The following TSPAN9 variants were observed in gnomAD, a reference collection of about 807,000 sequenced individuals.
The protein encoded by TSPAN9 is tetraspanin-9.
Under a neutral mutation model 31.0 loss-of-function variants are expected in TSPAN9, and 16 were observed. The ratio of observed to expected loss-of-function variants is 0.52; its 90% CI spans 0.35 to 0.78. The LOEUF (loss-of-function observed/expected upper bound fraction) is 0.78, where lower values mean the gene tolerates loss of function less well. Ranked by LOEUF, TSPAN9 falls within the 30% of genes least tolerant of loss-of-function variation. The pLI is 0.01. For synonymous variants in TSPAN9, 145 were observed against 121.6 expected, an observed-to-expected ratio of 1.19 and a Z score of -1.27; for missense variants, 272 against 312.5, an observed-to-expected ratio of 0.87 and a Z score of 0.98.
chr12:3,115,883 T>G (rs1591634614), intron 2 of TSPAN9, among the ~76,000 whole-genome samples: 1 of 152,348 alleles, frequency 6.6e-6, no homozygotes, highest in Non-Finnish European at 1.5e-5. Context: ...CCAAAGCAGC[T>G]GTACCGTTTT....
intron 3 of TSPAN9, among the ~76,000 whole-genome samples, chr12:3,272,418 G>C (rs1862697208): frequency 6.6e-6 from 1 of 151,710 alleles, no homozygotes; most frequent in African/African-American, 2.4e-5. Flanking sequence ...TATTTATCTA[G>C]TAATCCAGGC....
rs774632414 is a variant in TSPAN9 at position 3,278,506 on chromosome 12, C to G, written c.149C>G (p.Ser50Trp). The G allele has an allele frequency of 4.3e-6, 7 of 1,614,104 alleles. No homozygotes were observed. Among genetic ancestry groups the G allele is most frequent in the South Asian group, 1.1e-5 (1 of 91,092 alleles). The change falls in exon 4 of 9, where the codon TCG (serine) becomes TGG (tryptophan). Residue 50 changes from serine (S) to tryptophan (W), a missense_variant. Coordinates refer to ENST00000011898, the MANE Select transcript of TSPAN9 (RefSeq NM_006675.5). The stretch of plus-strand genomic sequence containing the variant: ...GCCACCTTCTCCCCCAGCTTCCCTT[C>G]GTTGTCTGCAGCCAACCTGGTCATT... ...NFATFSPSFP[S>W]LSAANLVIAI... is the part of the protein sequence containing the mutation.
At chr12:3,159,581 TA>T (rs2098343964) in intron 2 of TSPAN9, among the ~76,000 whole-genome samples, 1 of 152,056 alleles carries the variant, frequency 6.6e-6, no homozygotes. Flanking sequence ...AAGAGGATAT[TA>T]GGGGCCTGGC....
intron 2 of TSPAN9, among the ~76,000 whole-genome samples, chr12:3,184,662 C>T (rs563958463): frequency 1.3e-5 from 2 of 152,120 alleles, no homozygotes; most frequent in East Asian, 3.9e-4. Flanking sequence ...GCGATTAGAG[C>T]CACGGGATGC....
chr12:3,172,391 GA>G lies in TSPAN9; in HGVS notation c.-17-28785del, dbSNP rs1423929247. 6.6e-6 allele frequency: 1 copy of G among 152,280 alleles called. No homozygotes were observed. The highest frequency in any genetic ancestry group is 1.5e-5 in the Non-Finnish European group (1 of 68,072). The allele number at this position is 152,280 out of a possible 1,614,324, so 9.4% of individuals were successfully genotyped here. A position where few individuals can be genotyped will look rare whatever the true frequency, so the allele number is the denominator to read the frequency against. Reference sequence around the variant, plus strand: ...GGTCATGCTGTTTTCAGTTGTGGACGAGTGCTTAGCTTTGCAGACCTGATTC... The same window carrying G: ...GGTCATGCTGTTTTCAGTTGTGGACGGTGCTTAGCTTTGCAGACCTGATTC... On this transcript the variant is annotated intron_variant, in intron 2 of 8. Coordinates refer to ENST00000011898, the MANE Select transcript of TSPAN9 (RefSeq NM_006675.5). This position sits in a 1 kb window ranked among gnomAD's most constrained non-coding sequence, Gnocchi z 4.8.
chr12:3,200,944 T>A (rs2098371200), intron 2 of TSPAN9: 1 of 463,286 alleles, frequency 2.2e-6, no homozygotes, highest in Non-Finnish European at 3.8e-6. Context: ...GTAGCGAGGA[T>A]TCTTCGATCC....
intron 2 of TSPAN9, among the ~76,000 whole-genome samples, chr12:3,105,597 G>C (rs1268149690): frequency 2.0e-5 from 3 of 151,952 alleles, no homozygotes; most frequent in African/African-American, 7.3e-5. Context: ...TCTGGATTTG[G>C]GGGTGCTTCC....
intron 3 of TSPAN9, among the ~76,000 whole-genome samples, chr12:3,240,283 G>A (rs537271896): frequency 9.2e-5 from 14 of 152,218 alleles, no homozygotes; most frequent in African/African-American, 3.1e-4. Context: ...TGCAGGCTAC[G>A]GGGAGAGAGA....
Position 3,157,712 on chromosome 12 carries a change from G to C in TSPAN9, c.-17-43465G>C, listed in dbSNP as rs185481016. Among the ~76,000 whole-genome samples the C allele has an allele frequency of 2.7e-3, 414 of 152,252 alleles. 2 individuals are homozygous for C. The highest frequency in any genetic ancestry group is 9.4e-3 in the African/African-American group (391 of 41,548). ...GGGAAACAGCCAGGACTGGAACCACGGTCCCAGACCTTGTAGGCCGTGTTC... is the reference window on the plus strand; with the variant it reads ...GGGAAACAGCCAGGACTGGAACCACCGTCCCAGACCTTGTAGGCCGTGTTC... On this transcript the variant is annotated intron_variant, in intron 2 of 8. Coordinates refer to ENST00000011898, the MANE Select transcript of TSPAN9 (RefSeq NM_006675.5).
intron 2 of TSPAN9, among the ~76,000 whole-genome samples, chr12:3,155,099 G>A (rs563272849): frequency 5.3e-5 from 8 of 152,154 alleles, no homozygotes; most frequent in South Asian, 2.1e-4. Context: ...ACTATTGGCA[G>A]CTAATTAAAA....
intron 1 of TSPAN9, among the ~76,000 whole-genome samples, chr12:3,078,736 C>G (rs1457294488): frequency 6.6e-6 from 1 of 151,102 alleles, no homozygotes; most frequent in African/African-American, 2.4e-5. Context: ...TACTCTCACT[C>G]ACTGAAGACG....
At chr12:3,276,528 T>C (rs1200593324) in intron 3 of TSPAN9, among the ~76,000 whole-genome samples, 1 of 152,118 alleles carries the variant, frequency 6.6e-6, no homozygotes, top group Non-Finnish European at 1.5e-5. Context: ...TGGAACGTTC[T>C]TCCCCCAGAT....
intron 3 of TSPAN9, among the ~76,000 whole-genome samples, chr12:3,230,803 C>T (rs1379910734): frequency 1.3e-5 from 2 of 152,118 alleles, no homozygotes; most frequent in East Asian, 1.9e-4. Context: ...CCTCAGTTCC[C>T]CCGAGGAGAT....
chr12:3,123,397 C>T (rs1048011652), intron 2 of TSPAN9, among the ~76,000 whole-genome samples: 1 of 152,188 alleles, frequency 6.6e-6, no homozygotes, highest in Non-Finnish European at 1.5e-5. Context: ...TTCTGTGGCT[C>T]TGTGCTGACC....
In TSPAN9 at chr12:3,187,698, T is replaced by C. The variant is rs1445763724; in HGVS notation, c.-17-13479T>C. Among the ~76,000 whole-genome samples, 1 of 152,136 alleles carries C rather than the reference T, an allele frequency of 6.6e-6. No homozygotes were observed. The highest frequency in any genetic ancestry group is 6.5e-5 in the Admixed American group (1 of 15,280). ...CTCAAAAAAGCTGCAAGAGTCACCA[T>C]GAACAGGTCTTGGCTTGCGGTATTC... On this transcript the variant is annotated intron_variant, in intron 2 of 8. Transcript: ENST00000011898. The surrounding 1 kb of genome is among the most constrained non-coding windows in gnomAD (Gnocchi z 5.2).
At chr12:3,198,166 CCAG>C (rs1381313013) in intron 2 of TSPAN9, among the ~76,000 whole-genome samples, 3 of 83,434 alleles carry the variant, frequency 3.6e-5, no homozygotes, top group African/African-American at 1.3e-4. Context: ...CAGGCCACCA[CCAG>C]CACAGCTCAC....
chr12:3,188,446 C>G (rs1565607050), intron 2 of TSPAN9, among the ~76,000 whole-genome samples: 1 of 152,084 alleles, frequency 6.6e-6, no homozygotes, highest in Non-Finnish European at 1.5e-5. Flanking sequence ...CACCAGGGTG[C>G]TAGTCAGGTA....
At chr12:3,166,568 G>A (rs974362879) in intron 2 of TSPAN9, among the ~76,000 whole-genome samples, 1 of 152,198 alleles carries the variant, frequency 6.6e-6, no homozygotes, top group African/African-American at 2.4e-5. Context: ...GACAGAAATG[G>A]AAAATGTTCT....
intron 3 of TSPAN9, among the ~76,000 whole-genome samples, chr12:3,255,734 T>A (rs1340513016): frequency 6.6e-6 from 1 of 152,252 alleles, no homozygotes; most frequent in Non-Finnish European, 1.5e-5. Flanking sequence ...ATGGTGAGTA[T>A]CTTTCAAACA....
Sources: allele counts gnomAD v4.1 joint callset (sites outside exome capture counted in the v4.1 genomes callset), GRCh38; gene constraint gnomAD v4.1.1; non-coding constraint Gnocchi (gnomAD v3.1); transcripts MANE v1.5; gene names NCBI Gene and HGNC (gene_info 2026-07-23, HGNC 2026-07-21).